SKI: variants seen among roughly 807,000 people sequenced by gnomAD.
The protein encoded by SKI is SKI proto-oncogene, also known as ski oncogene.
A neutral mutation model predicts 59.3 loss-of-function variants in SKI; 23 were observed. That is an observed-to-expected ratio of 0.39 (90% confidence interval 0.28 to 0.55). SKI has a LOEUF of 0.55. Among genes scored for constraint, SKI ranks in the 20% least tolerant of loss-of-function variants. The probability of loss-of-function intolerance (pLI) is 0.67; values close to 1 mark genes in which losing one functional copy is unlikely to be tolerated. For missense variants in SKI, 1,017 were observed against 1,038.9 expected, an observed-to-expected ratio of 0.98 and a Z score of 0.29; for synonymous variants, 673 against 488.6, an observed-to-expected ratio of 1.38 and a Z score of -4.98.
At chr1:2,287,680 G>A (rs1411706231) in intron 1 of SKI, among the ~76,000 whole-genome samples, 1 of 152,070 alleles carries the variant, frequency 6.6e-6, no homozygotes, top group Non-Finnish European at 1.5e-5. Context: ...GGGTGTGGAC[G>A]GGTCTTGCAT....
rs911180029 is a variant in SKI at position 2,307,948 on chromosome 1, C to G, written c.*1183C>G. On this transcript the variant is annotated 3_prime_UTR_variant, in exon 7 of 7. Coordinates refer to ENST00000378536, the MANE Select transcript of SKI (RefSeq NM_003036.4). Reference sequence around the variant, plus strand: ...CAGCATCTTGTACAGCAAATCCTGACTCGTGTCTTTTTACCCCCAAGATAT... The same window carrying G: ...CAGCATCTTGTACAGCAAATCCTGAGTCGTGTCTTTTTACCCCCAAGATAT... 6 of 152,538 alleles carry G rather than the reference C, an allele frequency of 3.9e-5. No homozygotes were observed. The highest frequency in any genetic ancestry group is 1.3e-4 in the Admixed American group (2 of 15,282). The allele number at this position is 152,538 out of a possible 1,614,324, so 9.4% of individuals were successfully genotyped here. A position where few individuals can be genotyped will look rare whatever the true frequency, so the allele number is the denominator to read the frequency against.
In SKI at chr1:2,228,754, G is replaced by T. The variant is rs1477849794; in HGVS notation, c.-13G>T. On this transcript the variant is annotated 5_prime_UTR_variant, in exon 1 of 7. Coordinates refer to ENST00000378536, the MANE Select transcript of SKI (RefSeq NM_003036.4). ...CGCGGGAGCGGGAGCGGCCGGGGGA[G>T]CCGGAGCGCACCATGGAGGCGGCGG... 3.4e-6 allele frequency: 4 copies of T among 1,179,466 alleles called. No homozygotes were observed. The highest frequency in any genetic ancestry group is 3.3e-5 in the African/African-American group (2 of 60,956). The allele number at this position is 1,179,466 out of a possible 1,614,324, so 73.1% of individuals were successfully genotyped here.
At position 2,303,000 on chromosome 1, in the gene SKI, C is replaced by G. The variant is rs1485294260; in HGVS notation, c.992C>G (p.Ser331Cys). 6.2e-7 allele frequency: 1 copy of G among 1,613,548 alleles called. No individual in the cohort carries two copies. The highest frequency in any genetic ancestry group is 1.3e-5 in the African/African-American group (1 of 74,940). Reference protein sequence around the residue: ...VPRVSSEPPASIRPKTDDTSS... With the variant: ...VPRVSSEPPACIRPKTDDTSS... ...CAGGTCTCCTCTGAGCCTCCGGCCT[C>G]CATAAGACCCAAAACAGATGACACC... The change falls in exon 2 of 7, where the codon TCC (serine) becomes TGC (cysteine). Residue 331 changes from serine (S) to cysteine (C), a missense_variant. Physicochemically the swap from Ser to Cys is moderately radical, Grantham distance 112 (BLOSUM62 -1). Coordinates refer to ENST00000378536, the MANE Select transcript of SKI (RefSeq NM_003036.4).
chr1:2,233,230 C>T (rs1468613597), intron 1 of SKI, among the ~76,000 whole-genome samples: 1 of 118,768 alleles, frequency 8.4e-6, no homozygotes, highest in East Asian at 2.4e-4. Context: ...TCCAACAGGG[C>T]TGGTGGGGGG....
intron 1 of SKI, among the ~76,000 whole-genome samples, chr1:2,237,379 G>C (rs532948145): frequency 1.3e-5 from 2 of 152,212 alleles, no homozygotes; most frequent in Non-Finnish European, 2.9e-5. Flanking sequence ...CGGCTGTGCC[G>C]GTGGTTTCCT....
chr1:2,298,368 G>T (rs936773246), intron 1 of SKI, among the ~76,000 whole-genome samples: 1 of 152,156 alleles, frequency 6.6e-6, no homozygotes, highest in African/African-American at 2.4e-5. Context: ...GGAGGGAGTT[G>T]TGTTGACATC....
chr1:2,274,853 G>A (rs1269388337), intron 1 of SKI, among the ~76,000 whole-genome samples: 3 of 152,222 alleles, frequency 2.0e-5, no homozygotes, highest in Non-Finnish European at 4.4e-5. Flanking sequence ...CACTTTCCCG[G>A]CCGCCACGGC....
chr1:2,259,529 T>C (rs1639339185), intron 1 of SKI, among the ~76,000 whole-genome samples: 1 of 152,210 alleles, frequency 6.6e-6, no homozygotes, highest in South Asian at 2.1e-4. Flanking sequence ...GGATGATTGC[T>C]GTGTAGTTAT....
At chr1:2,272,322 C>T (rs1242316122) in intron 1 of SKI, among the ~76,000 whole-genome samples, 1 of 152,256 alleles carries the variant, frequency 6.6e-6, no homozygotes, top group African/African-American at 2.4e-5. Context: ...ACATAGACTT[C>T]CAGGTTTAGC....
chr1:2,232,102 C>G (rs543554966), intron 1 of SKI, among the ~76,000 whole-genome samples: 1 of 152,268 alleles, frequency 6.6e-6, no homozygotes, highest in Non-Finnish European at 1.5e-5. Context: ...CCTCCGCCCT[C>G]ACTGGCCGCC....
At chr1:2,279,659 GCCCACCCAGGCA>G in intron 1 of SKI, among the ~76,000 whole-genome samples, 1 of 152,302 alleles carries the variant, frequency 6.6e-6, no homozygotes, top group Middle Eastern at 3.4e-3. Context: ...GTGTTCTCCT[GCCCACCCAGGCA>G]CTGGGCGTGG....
At chr1:2,253,560 C>T (rs1378890721) in intron 1 of SKI, among the ~76,000 whole-genome samples, 8 of 152,250 alleles carry the variant, frequency 5.3e-5, no homozygotes, top group African/African-American at 2.4e-5. Context: ...TATGCCCTGT[C>T]TCAGGGGGCT....
intron 1 of SKI, among the ~76,000 whole-genome samples, chr1:2,262,413 CGTGG>C (rs1639407796): frequency 6.7e-6 from 1 of 149,386 alleles, no homozygotes. Context: ...ATCTGGAAGG[CGTGG>C]AGTCAGAGTT....
rs1265886848 is a variant in SKI, at chr1:2,228,765, C to G, written c.-2C>G. 1 of 1,259,236 alleles carries G rather than the reference C, an allele frequency of 7.9e-7. No individual in the cohort carries two copies. Among genetic ancestry groups the G allele is most frequent in the South Asian group, 1.8e-5 (1 of 56,448 alleles). The allele number at this position is 1,259,236 out of a possible 1,614,324, so 78.0% of individuals were successfully genotyped here. A position where few individuals can be genotyped will look rare whatever the true frequency, so the allele number is the denominator to read the frequency against. ...GAGCGGCCGGGGGAGCCGGAGCGCA[C>G]CATGGAGGCGGCGGCAGGCGGCCGC... On this transcript the variant is annotated 5_prime_UTR_variant, in exon 1 of 7. Coordinates refer to ENST00000378536, the MANE Select transcript of SKI (RefSeq NM_003036.4).
At chr1:2,296,417 T>C (rs1640285469) in intron 1 of SKI, among the ~76,000 whole-genome samples, 1 of 152,084 alleles carries the variant, frequency 6.6e-6, no homozygotes, top group South Asian at 2.1e-4. Flanking sequence ...AACCCAGTTC[T>C]AGCCATCGTT....
chr1:2,246,329 C>A (rs1478110299), intron 1 of SKI, among the ~76,000 whole-genome samples: 1 of 152,182 alleles, frequency 6.6e-6, no homozygotes, highest in Non-Finnish European at 1.5e-5. Context: ...ACTCCTATAT[C>A]CTCTTTGAGG....
At chr1:2,243,416 T>G (rs1638922733) in intron 1 of SKI, among the ~76,000 whole-genome samples, 1 of 152,254 alleles carries the variant, frequency 6.6e-6, no homozygotes, top group Non-Finnish European at 1.5e-5. Context: ...CTGGCCGTTG[T>G]GCTCTGTTGC....
Position 2,303,618 on chromosome 1 carries a change from T to C in SKI, c.1211+218T>C. On this transcript the variant is annotated intron_variant, in intron 3 of 6. Coordinates refer to ENST00000378536, the MANE Select transcript of SKI (RefSeq NM_003036.4). This position sits in a 1 kb window ranked among gnomAD's most constrained non-coding sequence, Gnocchi z 5.6. The stretch of plus-strand genomic sequence containing the variant: ...GAGTCGTGGGTGGAGCCCTGTCTGC[T>C]GGGCGCAGCTTCTTGATGTGTTGGC... 1 of 705,278 alleles carries C rather than the reference T, an allele frequency of 1.4e-6. No homozygotes were observed. The highest frequency in any genetic ancestry group is 2.4e-6 in the Non-Finnish European group (1 of 424,884). 43.7% of individuals were successfully genotyped at this position (705,278 alleles called of 1,614,324 possible).
chr1:2,295,727 A>T (rs2971438), intron 1 of SKI, among the ~76,000 whole-genome samples: 1 of 122,314 alleles, frequency 8.2e-6, no homozygotes, highest in East Asian at 2.3e-4. Context: ...CTATGTGTCC[A>T]GGCCACGTGT....
Sources: allele counts gnomAD v4.1 joint callset (sites outside exome capture counted in the v4.1 genomes callset), GRCh38; gene constraint gnomAD v4.1.1; non-coding constraint Gnocchi (gnomAD v3.1); transcripts MANE v1.5; gene names NCBI Gene and HGNC (gene_info 2026-07-23, HGNC 2026-07-21).